The following MCU variants were observed in gnomAD, a reference collection of about 807,000 sequenced individuals.
MCU encodes the protein mitochondrial calcium uniporter, also known as calcium uniporter protein, mitochondrial.
Under a neutral mutation model 45.2 loss-of-function variants are expected in MCU, and 12 were observed. That is an observed-to-expected ratio of 0.27 (90% confidence interval 0.17 to 0.43). The LOEUF is 0.43. Among genes scored for constraint, MCU ranks in the 20% least tolerant of loss-of-function variants. The pLI is 1.00. For missense variants in MCU, 324 were observed against 436.7 expected (o/e 0.74, Z 2.30); for synonymous variants, 160 against 165.1 (o/e 0.97, Z 0.24).
chr10:72,855,315 A>G (rs1228906233), intron 2 of MCU, among the ~76,000 whole-genome samples: 1 of 152,072 alleles, frequency 6.6e-6, no homozygotes, highest in Non-Finnish European at 1.5e-5. Flanking sequence ...TTGTGGCTCA[A>G]TACTGTAATT....
intron 6 of MCU, among the ~76,000 whole-genome samples, chr10:72,872,208 A>G (rs191011424): frequency 2.0e-4 from 30 of 152,300 alleles, no homozygotes; most frequent in Admixed American, 5.9e-4. Context: ...TACATGTGTA[A>G]TGATCAAATC....
At chr10:72,883,220 G>A (rs746370654) in intron 6 of MCU, among the ~76,000 whole-genome samples, 2 of 152,114 alleles carry the variant, frequency 1.3e-5, no homozygotes, top group East Asian at 1.9e-4. Flanking sequence ...AGAACTGGGG[G>A]TTTGGGGGGA....
rs1845498141 is a variant in MCU at position 72,868,849 on chromosome 10, G to T, written c.643G>T (p.Ala215Ser). ...ACTAGAGGATCTCAAAGAGCAGCTG[G>T]CTCCCCTGGAAAAGGTAAAACTTCC... ...ERLEDLKEQL[A>S]PLEKVRIEIS... Residue 215 changes from alanine (A) to serine (S), a missense_variant, in exon 5 of 8, where the codon GCT becomes TCT. Transcript: ENST00000373053. 1 of 1,613,384 alleles carries T rather than the reference G, an allele frequency of 6.2e-7. No homozygotes were observed. The highest frequency in any genetic ancestry group is 8.5e-7 in the Non-Finnish European group (1 of 1,179,864).
At chr10:72,793,039 C>A (rs192342598) in intron 1 of MCU, among the ~76,000 whole-genome samples, 26 of 152,022 alleles carry the variant, frequency 1.7e-4, no homozygotes, top group African/African-American at 6.0e-4. Context: ...CCACCATGCC[C>A]GGCTAATTTT....
chr10:72,806,451 C>T (rs1249689387), intron 1 of MCU, among the ~76,000 whole-genome samples: 1 of 152,128 alleles, frequency 6.6e-6, no homozygotes, highest in Non-Finnish European at 1.5e-5. Context: ...TGAGCCACCG[C>T]GCCCGGCATG....
intron 1 of MCU, among the ~76,000 whole-genome samples, chr10:72,713,463 A>G (rs1438169044): frequency 6.6e-6 from 1 of 152,150 alleles, no homozygotes; most frequent in African/African-American, 2.4e-5. Context: ...TATTTTTAGT[A>G]GAGATGGGAC....
chr10:72,847,544 C>T lies in MCU; in HGVS notation c.221-11633C>T, dbSNP rs182631802. Among the ~76,000 whole-genome samples the T allele has an allele frequency of 3.6e-3, 541 of 152,244 alleles. 4 individuals carry two copies. Among genetic ancestry groups the T allele is most frequent in the Admixed American group, 6.3e-3 (96 of 15,282 alleles). On this transcript the variant is annotated intron_variant, in intron 2 of 7. Coordinates refer to ENST00000373053, the MANE Select transcript of MCU (RefSeq NM_138357.3). ...AAAATACTATATATAGGGTTCTGTA[C>T]TATCTGCAGCTGGGTATTCACTGAG... is the stretch of plus-strand genomic sequence containing the variant.
intron 1 of MCU, among the ~76,000 whole-genome samples, chr10:72,697,948 A>ATT (rs35739882): frequency 5.7e-4 from 83 of 145,618 alleles, no homozygotes; most frequent in Non-Finnish European, 8.1e-4. Flanking sequence ...CATAAAAAGA[A>ATT]TTTTTTTTTT....
chr10:72,705,744 G>A lies in MCU; in HGVS notation c.150+13443G>A, dbSNP rs115896795. ...GAGGCAGGAGAATCATTTGAACCCA[G>A]AGGTGAAGGTTGCAGTGAGCTGAGA... On this transcript the variant is annotated intron_variant, in intron 1 of 7. Transcript: ENST00000373053. 7.8e-3 allele frequency among the ~76,000 whole-genome samples: 1,179 copies of A among 152,012 alleles called. 17 individuals are homozygous for A. Among genetic ancestry groups the A allele is most frequent in the African/African-American group, 0.027 (1,112 of 41,440 alleles).
At chr10:72,746,902 G>A (rs189868255) in intron 1 of MCU, among the ~76,000 whole-genome samples, 8 of 152,292 alleles carry the variant, frequency 5.3e-5, no homozygotes, top group Admixed American at 5.2e-4. Flanking sequence ...GTGGTAGGTT[G>A]CTAGGCATGA....
chr10:72,757,096 T>A (rs1843588415), intron 1 of MCU: 2 of 151,114 alleles, frequency 1.3e-5, no homozygotes, highest in South Asian at 2.1e-4. Flanking sequence ...AAGCAGTAAA[T>A]GGCACATTGT....
chr10:72,752,192 A>G (rs1303601940), intron 1 of MCU, among the ~76,000 whole-genome samples: 1 of 151,860 alleles, frequency 6.6e-6, no homozygotes, highest in Non-Finnish European at 1.5e-5. Flanking sequence ...CTTAGGAGAT[A>G]ATACTTTTCA....
At chr10:72,790,217 T>A (rs186529514) in intron 1 of MCU, among the ~76,000 whole-genome samples, 7 of 152,314 alleles carry the variant, frequency 4.6e-5, no homozygotes, top group Admixed American at 2.0e-4. Context: ...AGGTCTAGTA[T>A]CTGTTTTTCA....
intron 1 of MCU, among the ~76,000 whole-genome samples, chr10:72,741,205 T>C (rs1288335836): frequency 6.6e-6 from 1 of 151,786 alleles, no homozygotes; most frequent in Non-Finnish European, 1.5e-5. Flanking sequence ...GTTCAAGTGA[T>C]TCCCCTGCCT....
At chr10:72,703,917 CA>C (rs988759746) in intron 1 of MCU, among the ~76,000 whole-genome samples, 1 of 126,940 alleles carries the variant, frequency 7.9e-6, no homozygotes, top group Non-Finnish European at 1.7e-5. Flanking sequence ...ACAACAACAA[CA>C]AAAAACAACT....
chr10:72,700,482 A>G (rs1176957235), intron 1 of MCU, among the ~76,000 whole-genome samples: 4 of 152,244 alleles, frequency 2.6e-5, no homozygotes, highest in Admixed American at 2.6e-4. Flanking sequence ...AAGGAAAACA[A>G]TGCATTTATT....
Position 72,886,179 on chromosome 10 carries a change from A to G in MCU, c.*357A>G, listed in dbSNP as rs377264717. 5.8e-6 allele frequency: 1 copy of G among 171,538 alleles called. No homozygotes were observed. The highest frequency in any genetic ancestry group is 1.2e-5 in the Non-Finnish European group (1 of 80,710). The allele number at this position is 171,538 out of a possible 1,614,324, so 10.6% of individuals were successfully genotyped here. A position where few individuals can be genotyped will look rare whatever the true frequency, so the allele number is the denominator to read the frequency against. ...CAAAAGAGTAACACACCAGCACCCC[A>G]CTCGACTCTATTTGTTTTTAATTTA... On this transcript the variant is annotated 3_prime_UTR_variant, in exon 8 of 8. Coordinates refer to ENST00000373053, the MANE Select transcript of MCU (RefSeq NM_138357.3).
intron 1 of MCU, among the ~76,000 whole-genome samples, chr10:72,812,923 T>C (rs1208087537): frequency 6.6e-6 from 1 of 152,218 alleles, no homozygotes; most frequent in African/African-American, 2.4e-5. Context: ...GGCTTAGTGC[T>C]TCAAGATGTG....
At chr10:72,779,910 A>G (rs759897423) in intron 1 of MCU, among the ~76,000 whole-genome samples, 2 of 152,190 alleles carry the variant, frequency 1.3e-5, no homozygotes, top group Non-Finnish European at 2.9e-5. Flanking sequence ...CATAGAACCT[A>G]GCAATTCTAC....
Sources: allele counts gnomAD v4.1 joint callset (sites outside exome capture counted in the v4.1 genomes callset), GRCh38; gene constraint gnomAD v4.1.1; transcripts MANE v1.5; gene names NCBI Gene and HGNC (gene_info 2026-07-23, HGNC 2026-07-21).